NRAP: variants seen among roughly 807,000 people sequenced by gnomAD.
NRAP encodes nebulin related anchoring protein, also known as nebulin-related-anchoring protein.
Under a neutral mutation model 225.9 loss-of-function variants are expected in NRAP, and 189 were observed. The observed-to-expected ratio is 0.84, with a 90% CI of 0.74 to 0.94. The LOEUF is 0.94. NRAP is among the 40% of genes least tolerant of loss of function. The probability of loss-of-function intolerance (pLI) is 0.00; values close to 1 mark genes in which losing one functional copy is unlikely to be tolerated. For missense variants in NRAP, 2,176 were observed against 2,168.7 expected (o/e 1.00, Z -0.07); for synonymous variants, 769 against 790.7 (o/e 0.97, Z 0.46).
intron 16 of NRAP, 57 bp from the exon 17 acceptor site, chr10:113,632,021 CAA>C: frequency 8.9e-7 from 1 of 1,123,434 alleles, no homozygotes; most frequent in Non-Finnish European, 1.4e-6. Context: ...TGCCAAACGT[CAA>C]AGATTTTTTC....
chr10:113,647,506 AGTGGTACTGTCTCCCCCG>A lies in NRAP; in HGVS notation c.889-497_889-480del, dbSNP rs1198382124. Among the ~76,000 whole-genome samples, 153 of 62,994 alleles carry A rather than the reference AGTGGTACTGTCTCCCCCG, an allele frequency of 2.4e-3. 12 individuals carry two copies. The highest frequency in any genetic ancestry group is 9.3e-3 in the Middle Eastern group (1 of 108). 41.3% of individuals were successfully genotyped at this position (62,994 alleles called of 152,430 possible). ...CTCCCCCGGTGGTACTGCCTCCCCA[AGTGGTACTGTCTCCCCCG>A]GTGGTACTGTCTCCCCCGGTGGTAC... On this transcript the variant is annotated intron_variant, in intron 9 of 41. Coordinates refer to ENST00000359988, the MANE Select transcript of NRAP (RefSeq NM_198060.4).
Position 113,604,925 on chromosome 10 carries a change from A to C in NRAP, c.3916-5T>G, listed in dbSNP as rs758734599. On this transcript the variant is annotated splice_polypyrimidine_tract_variant and splice_region_variant and intron_variant, in intron 34 of 41. Coordinates refer to ENST00000359988, the MANE Select transcript of NRAP (RefSeq NM_198060.4). ...AAAGTCATGTCTGTAGAGAAACTGC[A>C]AGAAAGGGCTGGCCGGTCAAATTCT... The C allele has an allele frequency of 6.2e-7, 1 of 1,607,600 alleles. No homozygotes were observed. Among genetic ancestry groups the C allele is most frequent in the South Asian group, 1.1e-5 (1 of 90,722 alleles).
intron 24 of NRAP, among the ~76,000 whole-genome samples, 178 bp from the exon 25 acceptor site, chr10:113,620,886 C>T (rs987813565): frequency 1.3e-5 from 2 of 152,186 alleles, no homozygotes; most frequent in Admixed American, 1.3e-4. Context: ...AATTAATTCC[C>T]CCTTTAATTG....
chr10:113,646,794 G>A (rs1849538495), intron 10 of NRAP, 129 bp downstream of exon 10: 1 of 706,906 alleles, frequency 1.4e-6, no homozygotes, highest in Non-Finnish European at 2.5e-6. Flanking sequence ...TTGGATGGGA[G>A]TTGAGGGCTA....
At chr10:113,624,802 G>A in intron 22 of NRAP, 24 bp downstream of exon 22, 1 of 1,558,428 alleles carries the variant, frequency 6.4e-7, no homozygotes, top group Non-Finnish European at 8.8e-7. Flanking sequence ...CAGAGTTCTT[G>A]CTGCCCACTC....
chr10:113,589,209 C>G (rs1056191880), intron 41 of NRAP, 130 bp from the exon 42 acceptor site: 3 of 677,310 alleles, frequency 4.4e-6, no homozygotes, highest in Non-Finnish European at 7.4e-6. Flanking sequence ...TCCTTTTCCC[C>G]TCTTCTACCC....
chr10:113,631,042 G>C (rs1395315632), intron 18 of NRAP, among the ~76,000 whole-genome samples: 1 of 152,106 alleles, frequency 6.6e-6, no homozygotes, highest in Non-Finnish European at 1.5e-5. Flanking sequence ...TCGTCATTCC[G>C]ATTGGCTGGA....
intron 5 of NRAP, among the ~76,000 whole-genome samples, chr10:113,653,336 T>C (rs1324264836): frequency 1.3e-5 from 2 of 152,182 alleles, no homozygotes. Flanking sequence ...CCACAGCTAT[T>C]AATTAATACA....
At chr10:113,589,896 CTA>C (rs1845852861) in intron 40 of NRAP, 99 bp from the exon 41 acceptor site, 1 of 1,334,104 alleles carries the variant, frequency 7.5e-7, no homozygotes, top group Non-Finnish European at 1.0e-6. Flanking sequence ...CAGTATGAGA[CTA>C]TGTTGTCTGT....
intron 32 of NRAP, among the ~76,000 whole-genome samples, chr10:113,607,957 A>G (rs1328908407): frequency 6.6e-6 from 1 of 152,236 alleles, no homozygotes; most frequent in African/African-American, 2.4e-5. Flanking sequence ...CCTGACAAAC[A>G]TCTTACAATT....
chr10:113,593,966 C>T (rs918267998), intron 38 of NRAP, among the ~76,000 whole-genome samples: 1 of 152,224 alleles, frequency 6.6e-6, no homozygotes, highest in African/African-American at 2.4e-5. Flanking sequence ...TGTGCAGGCC[C>T]CTTTCTCTGG....
intron 10 of NRAP, 99 bp downstream of exon 10, chr10:113,646,824 C>T (rs1003157143): frequency 2.1e-5 from 18 of 839,816 alleles, no homozygotes; most frequent in Non-Finnish European, 3.7e-5. Flanking sequence ...TTTGGCTCAG[C>T]TATAATAAAT....
intron 9 of NRAP, among the ~76,000 whole-genome samples, chr10:113,649,168 C>A (rs538511394): frequency 2.4e-4 from 37 of 152,296 alleles, no homozygotes; most frequent in African/African-American, 8.7e-4. Flanking sequence ...TCAAAGGAGT[C>A]CCAACCGACC....
At position 113,622,167 on chromosome 10, in the gene NRAP, T is replaced by C. The variant is rs752777872; in HGVS notation, c.2471A>G (p.Glu824Gly). The C allele has an allele frequency of 2.7e-5, 43 of 1,611,212 alleles. No individual in the cohort carries two copies. The highest frequency in any genetic ancestry group is 3.4e-5 in the Non-Finnish European group (40 of 1,177,580). ...RDLASEVKYKEDYERSRGKLI... is the reference protein window; with the variant it reads ...RDLASEVKYKGDYERSRGKLI... ...CTTCCCTCTGGATCTCTCATAATCC[T>C]CCTTGTACTTCACCTAAATAAGAGG... is the stretch of plus-strand genomic sequence containing the variant. The change falls in exon 24 of 42, where the codon GAG (glutamate) becomes GGG (glycine). Residue 824 changes from glutamate to glycine, a missense_variant. Physicochemically the swap from Glu to Gly is moderately conservative, Grantham distance 98. Coordinates refer to ENST00000359988, the MANE Select transcript of NRAP (RefSeq NM_198060.4).
chr10:113,633,435 C>T (rs1848684630), intron 15 of NRAP, among the ~76,000 whole-genome samples: 1 of 152,216 alleles, frequency 6.6e-6, no homozygotes, highest in Admixed American at 6.5e-5. Flanking sequence ...GTGACTGCTT[C>T]ACCAACTCCC....
chr10:113,600,408 G>A (rs905936279), intron 35 of NRAP, among the ~76,000 whole-genome samples: 1 of 151,986 alleles, frequency 6.6e-6, no homozygotes, highest in African/African-American at 2.4e-5. Flanking sequence ...TCTAACTCCT[G>A]GGCTCAAGTA....
intron 3 of NRAP, among the ~76,000 whole-genome samples, chr10:113,659,799 C>G (rs370865588): frequency 1.4e-4 from 22 of 152,168 alleles, no homozygotes; most frequent in Non-Finnish European, 3.2e-4. Flanking sequence ...GCTTTGAATG[C>G]CAGCTTAAAA....
At chr10:113,645,326 T>G (rs1849437505) in intron 11 of NRAP, among the ~76,000 whole-genome samples, 1 of 152,216 alleles carries the variant, frequency 6.6e-6, no homozygotes, top group African/African-American at 2.4e-5. Context: ...TTGGTTTGAT[T>G]CTAGGCTGTC....
At position 113,663,933 on chromosome 10, in the gene NRAP, A is replaced by T; in HGVS notation, c.-51T>A. On this transcript the variant is annotated 5_prime_UTR_variant, in exon 1 of 42. It adds an upstream start codon to the 5' untranslated region. Coordinates refer to ENST00000359988, the MANE Select transcript of NRAP (RefSeq NM_198060.4). ...AGATAGGCAACAGGCAAGAAATGCAAGGAGAACCCCCAGTCTAGTTCAAGT... is the reference window on the plus strand; with the variant it reads ...AGATAGGCAACAGGCAAGAAATGCATGGAGAACCCCCAGTCTAGTTCAAGT... 1 of 1,387,420 alleles carries T rather than the reference A, an allele frequency of 7.2e-7. No homozygotes were observed. The highest frequency in any genetic ancestry group is 1.2e-5 in the South Asian group (1 of 86,458). The allele number at this position is 1,387,420 out of a possible 1,614,324, so 85.9% of individuals were successfully genotyped here. A position where few individuals can be genotyped will look rare whatever the true frequency, so the allele number is the denominator to read the frequency against.
Sources: allele counts gnomAD v4.1 joint callset (sites outside exome capture counted in the v4.1 genomes callset), GRCh38; gene constraint gnomAD v4.1.1; transcripts MANE v1.5; gene names NCBI Gene and HGNC (gene_info 2026-07-23, HGNC 2026-07-21).